Variants in ABCA13 observed in about 807,000 individuals in gnomAD.
ABCA13 encodes the protein ATP-binding cassette sub-family A member 13.
Under a neutral mutation model 478.7 loss-of-function variants are expected in ABCA13, and 476 were observed. The ratio of observed to expected loss-of-function variants is 0.99; its 90% CI spans 0.92 to 1.07. The LOEUF (loss-of-function observed/expected upper bound fraction) is 1.07. Among genes scored for constraint, ABCA13 ranks in the 50% least tolerant of loss-of-function variants. ABCA13 has a pLI of 0.00. For missense variants in ABCA13, 6,060 were observed against 5,910.6 expected (o/e 1.03, Z -0.83); for synonymous variants, 2,252 against 2,158.9 (o/e 1.04, Z -1.20).
intron 3 of ABCA13, among the ~76,000 whole-genome samples, chr7:48,213,482 A>G (rs948787077): frequency 3.3e-5 from 5 of 152,196 alleles, no homozygotes; most frequent in East Asian, 1.9e-4. Flanking sequence ...CAGTGAGTCA[A>G]TCTTTTTGCT....
intron 40 of ABCA13, among the ~76,000 whole-genome samples, chr7:48,411,310 T>TTTTCTTTTCTTTTCTTTC (rs144694075): frequency 1.6e-5 from 2 of 122,088 alleles, no homozygotes; most frequent in African/African-American, 5.9e-5. Context: ...TTTTCTTTTC[T>TTTTCTTTTCTTTTCTTTC]TTTCTTTTCT....
In ABCA13 at chr7:48,326,516, G is replaced by A. The variant is rs567875391; in HGVS notation, c.10000-8906G>A. On this transcript the variant is annotated intron_variant, in intron 27 of 61. Transcript: ENST00000435803. ...AATTACTTGCTCTAATCCTGACACC[G>A]CTAAGAGCTAATGTTGGTTGCAAAC... Among the ~76,000 whole-genome samples the A allele has an allele frequency of 1.2e-3, 185 of 152,252 alleles. 1 individual carries two copies. The highest frequency in any genetic ancestry group is 0.01 in the Middle Eastern group (3 of 294).
intron 8 of ABCA13, among the ~76,000 whole-genome samples, chr7:48,234,655 G>A (rs1789675706): frequency 2.0e-5 from 3 of 152,190 alleles, no homozygotes; most frequent in Admixed American, 2.0e-4. Context: ...CTGGATGATC[G>A]ATCCCCAAGA....
intron 41 of ABCA13, among the ~76,000 whole-genome samples, chr7:48,415,016 A>T (rs924377957): frequency 6.6e-6 from 1 of 152,164 alleles, no homozygotes; most frequent in Non-Finnish European, 1.5e-5. Flanking sequence ...CCCTGGGCCA[A>T]TGTAGAACAA....
At chr7:48,426,915 C>T (rs67591654) in intron 41 of ABCA13, among the ~76,000 whole-genome samples, 22 of 142,442 alleles carry the variant, frequency 1.5e-4, no homozygotes, top group African/African-American at 3.8e-4. Flanking sequence ...CAACACTCTG[C>T]GTGGTGCAGT....
At chr7:48,303,777 A>G (rs1800504188) in intron 23 of ABCA13, among the ~76,000 whole-genome samples, 1 of 152,152 alleles carries the variant, frequency 6.6e-6, no homozygotes, top group Non-Finnish European at 1.5e-5. Flanking sequence ...AAATTCTGAT[A>G]CTTTAATTTG....
intron 48 of ABCA13, among the ~76,000 whole-genome samples, chr7:48,491,286 G>A (rs1829816933): frequency 6.6e-6 from 1 of 152,190 alleles, no homozygotes; most frequent in South Asian, 2.1e-4. Context: ...ATAGATAAAG[G>A]TGTTGGTAAA....
chr7:48,368,700 TATATATATATATATACACATACACAC>T (rs1812125123), intron 32 of ABCA13, among the ~76,000 whole-genome samples: 2 of 140,968 alleles, frequency 1.4e-5, no homozygotes, highest in South Asian at 4.5e-4. Context: ...TATATATATA[TATATATATATATATACACATACACAC>T]ACACATTTAT....
intron 51 of ABCA13, among the ~76,000 whole-genome samples, chr7:48,514,431 A>C (rs1025012423): frequency 6.6e-6 from 1 of 152,210 alleles, no homozygotes; most frequent in Non-Finnish European, 1.5e-5. Context: ...CATGGAAAAG[A>C]AAAGCAATTT....
chr7:48,348,837 A>G (rs1459136817), intron 29 of ABCA13, among the ~76,000 whole-genome samples: 1 of 152,176 alleles, frequency 6.6e-6, no homozygotes, highest in Admixed American at 6.5e-5. Context: ...GGATCATGTA[A>G]TTCTTCTACT....
In ABCA13 at chr7:48,376,433, C is replaced by A. The variant is rs1813493651; in HGVS notation, c.11204-8C>A. 6.2e-7 allele frequency: 1 copy of A among 1,610,528 alleles called. No individual in the cohort carries two copies. The highest frequency in any genetic ancestry group is 1.3e-5 in the African/African-American group (1 of 74,636). On this transcript the variant is annotated splice_polypyrimidine_tract_variant and splice_region_variant and intron_variant, in intron 34 of 61. Transcript: ENST00000435803. ...CAGTTCTAACTCTGACCTTTTTCTTCCTGCTAGGGATTCAATGGAATAATA... is the reference window on the plus strand; with the variant it reads ...CAGTTCTAACTCTGACCTTTTTCTTACTGCTAGGGATTCAATGGAATAATA...
Position 48,374,423 on chromosome 7 carries a change from G to A in ABCA13, c.11203+7G>A. 1.9e-6 allele frequency: 3 copies of A among 1,604,520 alleles called. No homozygotes were observed. Among genetic ancestry groups the A allele is most frequent in the Non-Finnish European group, 2.6e-6 (3 of 1,175,654 alleles). On this transcript the variant is annotated splice_region_variant and intron_variant, in intron 34 of 61. Transcript: ENST00000435803. ...CTGGAAGGACAAGAGACAGGTAAGA[G>A]CATGCATGTGTAAAAAGTGACTCTC...
chr7:48,550,996 T>C (rs1207070137), intron 55 of ABCA13, among the ~76,000 whole-genome samples: 2 of 151,862 alleles, frequency 1.3e-5, no homozygotes, highest in African/African-American at 2.4e-5. Flanking sequence ...TCTTGACTTA[T>C]TTATGAAAAA....
chr7:48,387,977 T>A lies in ABCA13; in HGVS notation c.11473+18T>A. On this transcript the variant is annotated intron_variant, in intron 36 of 61. Transcript: ENST00000435803. ...CAATAAAGGTTTGTAAGGAGTAGAATTATTAGATGCATGTATTTTTCCTTT... is the reference window on the plus strand; with the variant it reads ...CAATAAAGGTTTGTAAGGAGTAGAAATATTAGATGCATGTATTTTTCCTTT... The A allele has an allele frequency of 6.3e-7, 1 of 1,590,560 alleles. No homozygotes were observed. The highest frequency in any genetic ancestry group is 1.2e-5 in the South Asian group (1 of 86,288).
At chr7:48,440,521 C>T (rs12667952) in intron 42 of ABCA13, among the ~76,000 whole-genome samples, 45,146 of 151,882 alleles carry the variant, frequency 0.3, 6,753 homozygotes, top group East Asian at 0.38. Flanking sequence ...TGGACATACA[C>T]ATTATTTCTT....
intron 3 of ABCA13, among the ~76,000 whole-genome samples, chr7:48,210,483 A>G (rs1476239065): frequency 1.3e-5 from 2 of 152,008 alleles, no homozygotes; most frequent in African/African-American, 4.8e-5. Flanking sequence ...ATTGCTATAA[A>G]CTTGCCTCTT....
At position 48,508,290 on chromosome 7, in the gene ABCA13, AAG is replaced by A. The variant is rs1831387542; in HGVS notation, c.13524+243_13524+244del. Among the ~76,000 whole-genome samples, 3 of 152,318 alleles carry A rather than the reference AAG, an allele frequency of 2.0e-5. No homozygotes were observed. The South Asian group carries it at 6.2e-4, about 32-fold the overall frequency. On this transcript the variant is annotated intron_variant, in intron 50 of 61. Transcript: ENST00000435803. Reference sequence around the variant, plus strand: ...AACTGGGAAATTATAGAACTTTACAAAGATGCAAAGTTTCTTATTGAGAAGAT... The same window carrying A: ...AACTGGGAAATTATAGAACTTTACAAATGCAAAGTTTCTTATTGAGAAGAT...
chr7:48,184,218 G>A (rs1796064936), intron 1 of ABCA13, among the ~76,000 whole-genome samples: 1 of 152,022 alleles, frequency 6.6e-6, no homozygotes, highest in Non-Finnish European at 1.5e-5. Context: ...CATCATATAA[G>A]GTGTTCATAG....
At chr7:48,567,887 C>T (rs1787237979) in intron 55 of ABCA13, among the ~76,000 whole-genome samples, 1 of 152,062 alleles carries the variant, frequency 6.6e-6, no homozygotes. Context: ...CATATTGTCA[C>T]ATGTTGCAAT....
Sources: allele counts gnomAD v4.1 joint callset (sites outside exome capture counted in the v4.1 genomes callset), GRCh38; gene constraint gnomAD v4.1.1; transcripts MANE v1.5; gene names NCBI Gene and HGNC (gene_info 2026-07-23, HGNC 2026-07-21).